The following GYPB variants were observed in gnomAD, a reference collection of about 807,000 sequenced individuals.
GYPB encodes glycophorin-B.
GYPB carries 13 observed loss-of-function variants against 15.3 expected under a neutral mutation model. That is an observed-to-expected ratio of 0.85 (90% CI 0.55 to 1.35). GYPB has a LOEUF of 1.35. Ranked by LOEUF, GYPB falls within the 40% of genes most tolerant of loss-of-function variation. The probability of loss-of-function intolerance (pLI) is 0.00; values close to 1 mark genes in which losing one functional copy is unlikely to be tolerated. For missense variants in GYPB, 131 were observed against 108.3 expected, an observed-to-expected ratio of 1.21 and a Z score of -0.93; for synonymous variants, 38 against 36.9, an observed-to-expected ratio of 1.03 and a Z score of -0.11.
At chr4:144,011,805 C>T (rs1157306362) in intron 1 of GYPB, among the ~76,000 whole-genome samples, 1 of 151,288 alleles carries the variant, frequency 6.6e-6, no homozygotes, top group Non-Finnish European at 1.5e-5. Context: ...TTCTGTATTT[C>T]CTGATACAAT....
intron 4 of GYPB, among the ~76,000 whole-genome samples, chr4:143,996,837 A>G (rs1727339775): frequency 6.6e-6 from 1 of 150,984 alleles, no homozygotes; most frequent in South Asian, 2.1e-4. Flanking sequence ...TCATGGGTGG[A>G]AATTTGTAAA....
intron 1 of GYPB, among the ~76,000 whole-genome samples, chr4:144,009,150 G>T (rs2149964867): frequency 6.6e-6 from 1 of 151,252 alleles, no homozygotes; most frequent in South Asian, 2.1e-4. Context: ...ACTTTCCAAG[G>T]ATAAGCTCAT....
At chr4:143,999,177 G>C in intron 3 of GYPB, 1 of 370,062 alleles carries the variant, frequency 2.7e-6, no homozygotes, top group Non-Finnish European at 5.0e-6. Flanking sequence ...CAAAATTATA[G>C]GGATTATAGG....
Position 143,999,292 on chromosome 4 carries a change from T to C in GYPB, c.175+119A>G, listed in dbSNP as rs949450223. On this transcript the variant is annotated intron_variant, in intron 3 of 4. Coordinates refer to ENST00000502664, the MANE Select transcript of GYPB (RefSeq NM_002100.6). ...CTTTGTCTTTACAATTTCGTGTGAA[T>C]AAAGTTAACAACATATGCTCTTCTG... 4.6e-5 allele frequency: 29 copies of C among 623,878 alleles called. 1 individual carries two copies. In the African/African-American group the frequency reaches 5.2e-4, roughly 11 times the overall value. The allele number at this position is 623,878 out of a possible 1,614,324, so 38.6% of individuals were successfully genotyped here. A position where few individuals can be genotyped will look rare whatever the true frequency, so the allele number is the denominator to read the frequency against.
chr4:144,002,602 G>C (rs182622828), intron 1 of GYPB: 2 of 1,286,970 alleles, frequency 1.6e-6, no homozygotes, highest in African/African-American at 3.1e-5. Context: ...ATTCAAATGA[G>C]GGGAATGGCA....
At chr4:144,009,062 G>T (rs9685167) in intron 1 of GYPB, among the ~76,000 whole-genome samples, 130,177 of 151,250 alleles carry the variant, frequency 0.86, 59,439 homozygotes, top group Non-Finnish European at 0.99. Flanking sequence ...AAATGTTGGT[G>T]TTTCTTAGGG....
At chr4:144,013,269 A>T (rs1184503211) in intron 1 of GYPB, among the ~76,000 whole-genome samples, 3 of 150,978 alleles carry the variant, frequency 2.0e-5, no homozygotes, top group Non-Finnish European at 4.4e-5. Flanking sequence ...TCAGGAAACA[A>T]CAGGTGCTGG....
chr4:144,004,236 T>C (rs936507243), intron 1 of GYPB, among the ~76,000 whole-genome samples: 2 of 151,832 alleles, frequency 1.3e-5, no homozygotes, highest in African/African-American at 4.9e-5. Context: ...GATAATTTGA[T>C]AAAAATTGTT....
chr4:144,011,209 G>T (rs867102659), intron 1 of GYPB, among the ~76,000 whole-genome samples: 53 of 151,144 alleles, frequency 3.5e-4, no homozygotes, highest in Non-Finnish European at 5.9e-5. Flanking sequence ...GTGAAACCCC[G>T]TGTCTACTGA....
chr4:144,004,946 C>T (rs1353355953), intron 1 of GYPB, among the ~76,000 whole-genome samples: 1 of 151,820 alleles, frequency 6.6e-6, no homozygotes, highest in Non-Finnish European at 1.5e-5. Context: ...AAACTCGTAA[C>T]CATTGAACAA....
chr4:144,010,186 A>G lies in GYPB; in HGVS notation c.38-8903T>C, dbSNP rs889258073. Among the ~76,000 whole-genome samples, 3 of 151,318 alleles carry G rather than the reference A, an allele frequency of 2.0e-5. 1 individual carries two copies. Among genetic ancestry groups the G allele is most frequent in the African/African-American group, 7.4e-5 (3 of 40,650 alleles). On this transcript the variant is annotated intron_variant, in intron 1 of 4. Coordinates refer to ENST00000502664, the MANE Select transcript of GYPB (RefSeq NM_002100.6). ...GCACTAAAAAATTAAGTTGTAGTCT[A>G]GGTGTGGTGGCTCATGCCTGTAAAC...
chr4:144,016,797 C>T, intron 1 of GYPB: 1 of 442,404 alleles, frequency 2.3e-6, no homozygotes, highest in Non-Finnish European at 4.5e-6. Context: ...AAAACACTAA[C>T]TTACCTCCTG....
At position 143,997,946 on chromosome 4, in the gene GYPB, G is replaced by A. The variant is rs181670089; in HGVS notation, c.176-312C>T. 4.8e-4 allele frequency among the ~76,000 whole-genome samples: 72 copies of A among 151,178 alleles called. 1 individual carries two copies. Among genetic ancestry groups the A allele is most frequent in the Middle Eastern group, 3.4e-3 (1 of 294 alleles). On this transcript the variant is annotated intron_variant, in intron 3 of 4. Coordinates refer to ENST00000502664, the MANE Select transcript of GYPB (RefSeq NM_002100.6). The stretch of plus-strand genomic sequence containing the variant: ...AACTGTAGATAAGAACTCAGTGGAC[G>A]TTCTCCTCAGATATGGGGAAAAAAA...
intron 1 of GYPB, among the ~76,000 whole-genome samples, chr4:144,001,983 A>AC (rs932561756): frequency 1.3e-5 from 2 of 149,634 alleles, no homozygotes; most frequent in African/African-American, 5.0e-5. Flanking sequence ...AAAAAAAAAA[A>AC]AAAAAACCAC....
intron 1 of GYPB, among the ~76,000 whole-genome samples, chr4:144,016,117 C>A (rs1375597477): frequency 8.5e-6 from 1 of 118,078 alleles, no homozygotes; most frequent in Admixed American, 1.1e-4. Flanking sequence ...AGACAGCTAG[C>A]AAGGCTCTCT....
intron 1 of GYPB, among the ~76,000 whole-genome samples, chr4:144,015,950 T>C (rs1382857495): frequency 6.6e-6 from 1 of 151,044 alleles, no homozygotes; most frequent in African/African-American, 2.5e-5. Flanking sequence ...TGGTCATTTG[T>C]CATTTGTCAT....
intron 1 of GYPB, among the ~76,000 whole-genome samples, chr4:144,004,548 G>C (rs1270064897): frequency 6.6e-6 from 1 of 151,266 alleles, no homozygotes; most frequent in East Asian, 1.9e-4. Flanking sequence ...ATCACATGGG[G>C]GCAATTTAAA....
At chr4:144,014,942 CA>C (rs1728414126) in intron 1 of GYPB, among the ~76,000 whole-genome samples, 1 of 151,234 alleles carries the variant, frequency 6.6e-6, no homozygotes, top group Non-Finnish European at 1.5e-5. Flanking sequence ...ATGGAAATAC[CA>C]AAGTTGATTA....
In GYPB at chr4:143,997,648, C is replaced by T; in HGVS notation, c.176-14G>A. The T allele has an allele frequency of 7.5e-7, 1 of 1,331,784 alleles. No individual in the cohort carries two copies. Among genetic ancestry groups the T allele is most frequent in the Non-Finnish European group, 1.1e-6 (1 of 925,614 alleles). 82.5% of individuals were successfully genotyped at this position (1,331,784 alleles called of 1,614,324 possible). On this transcript the variant is annotated splice_polypyrimidine_tract_variant and intron_variant, in intron 3 of 4. Transcript: ENST00000502664. ...TCACTACAGGAGCTAAAGAGAGCAG[C>T]AAAATTATGAAAGTCTGAAATAAAT...
Sources: gnomAD v4.1 joint callset for allele counts (sites outside exome capture counted in the v4.1 genomes callset) on GRCh38, gnomAD v4.1.1 for gene constraint, MANE v1.5 for transcripts, NCBI Gene and HGNC (gene_info 2026-07-23, HGNC 2026-07-21) for gene names.